ST3GAL4: variants seen among roughly 807,000 people sequenced by gnomAD.
ST3GAL4 encodes CMP-N-acetylneuraminate-beta-galactosamide-alpha-2,3-sialyltransferase 4.
ST3GAL4 carries 24 observed loss-of-function variants against 42.6 expected under a neutral mutation model. The ratio of observed to expected loss-of-function variants is 0.56; its 90% confidence interval spans 0.41 to 0.79. ST3GAL4 has a LOEUF of 0.79. ST3GAL4 is among the 30% of genes least tolerant of loss of function. ST3GAL4 has a pLI of 0.00. For synonymous variants in ST3GAL4, 135 were observed against 163.2 expected (o/e 0.83, Z 1.32); for missense variants, 311 against 430.8 (o/e 0.72, Z 2.46).
chr11:126,389,470 A>G (rs1274914441), intron 1 of ST3GAL4, among the ~76,000 whole-genome samples: 1 of 152,206 alleles, frequency 6.6e-6, no homozygotes, highest in African/African-American at 2.4e-5. Context: ...TCATTCTTTC[A>G]TCATACACAC....
intron 1 of ST3GAL4, among the ~76,000 whole-genome samples, chr11:126,395,269 G>C (rs1025569731): frequency 6.6e-6 from 1 of 152,160 alleles, no homozygotes; most frequent in South Asian, 2.1e-4. Context: ...CAACATGGGT[G>C]ATACAGCAGC....
chr11:126,360,873 C>T (rs1007983797), intron 1 of ST3GAL4, among the ~76,000 whole-genome samples: 7 of 152,230 alleles, frequency 4.6e-5, no homozygotes, highest in African/African-American at 1.7e-4. Flanking sequence ...ACTTTGCTTC[C>T]TCCTCCCAGG....
rs1420483447 is a variant in ST3GAL4 at position 126,406,253 on chromosome 11, G to T, written c.16+82G>T. 8 of 1,550,138 alleles carry T rather than the reference G, an allele frequency of 5.2e-6. No homozygotes were observed. Among genetic ancestry groups the T allele is most frequent in the Non-Finnish European group, 7.0e-6 (8 of 1,147,082 alleles). On this transcript the variant is annotated intron_variant, in intron 2 of 10. Transcript: ENST00000444328. The surrounding 1 kb of genome is among the most constrained non-coding windows in gnomAD (Gnocchi z 5.4). ...CAGCAGGATCCTGGGACCTCTGGGG[G>T]CTGTGGAGGGACAGACAGGGAGCCA...
intron 1 of ST3GAL4, among the ~76,000 whole-genome samples, chr11:126,403,887 G>A (rs979727723): frequency 5.3e-5 from 8 of 152,130 alleles, no homozygotes; most frequent in African/African-American, 1.7e-4. Flanking sequence ...TGCACATCGA[G>A]GTTTGAGAAG....
intron 9 of ST3GAL4, among the ~76,000 whole-genome samples, chr11:126,413,114 T>TG (rs1003091952): frequency 2.8e-4 from 42 of 151,968 alleles, no homozygotes; most frequent in Admixed American, 1.0e-3. Flanking sequence ...TTTTTAGAGA[T>TG]GGGGGGGTCT....
chr11:126,362,859 T>C (rs1222822286), intron 1 of ST3GAL4, among the ~76,000 whole-genome samples: 1 of 152,156 alleles, frequency 6.6e-6, no homozygotes, highest in Non-Finnish European at 1.5e-5. Context: ...TTGGCTGTCA[T>C]ATTGCAAACG....
chr11:126,399,599 G>A (rs141182701), intron 1 of ST3GAL4, among the ~76,000 whole-genome samples: 17 of 151,954 alleles, frequency 1.1e-4, no homozygotes, highest in Non-Finnish European at 2.2e-4. Context: ...GAGCTACTGC[G>A]CCCAACCCTG....
intron 1 of ST3GAL4, among the ~76,000 whole-genome samples, chr11:126,401,177 G>T (rs1953973711): frequency 6.6e-6 from 1 of 152,120 alleles, no homozygotes; most frequent in South Asian, 2.1e-4. Flanking sequence ...ATCAGTGTAT[G>T]AATAGTAGTT....
At chr11:126,413,093 A>G (rs1954598815) in intron 9 of ST3GAL4, among the ~76,000 whole-genome samples, 1 of 151,884 alleles carries the variant, frequency 6.6e-6, no homozygotes, top group Admixed American at 6.6e-5. Flanking sequence ...TTACTTATTT[A>G]TATTTGTTTA....
rs779877285 is a variant in ST3GAL4 at position 126,406,573 on chromosome 11, A to G, written c.101+16A>G. 6 of 1,613,978 alleles carry G rather than the reference A, an allele frequency of 3.7e-6. No homozygotes were observed. The South Asian group carries it at 4.4e-5, about 12-fold the overall frequency. The stretch of plus-strand genomic sequence containing the variant: ...ACATCGAGCTGTGAGTTCACCTTCC[A>G]TGTCCTTCCAGTGGCTCTTGTCAGG... On this transcript the variant is annotated intron_variant, in intron 3 of 10. Transcript: ENST00000444328. This position sits in a 1 kb window ranked among gnomAD's most constrained non-coding sequence, Gnocchi z 5.4.
intron 1 of ST3GAL4, among the ~76,000 whole-genome samples, chr11:126,389,504 A>T (rs1386707349): frequency 6.6e-6 from 1 of 152,200 alleles, no homozygotes; most frequent in African/African-American, 2.4e-5. Flanking sequence ...TTATACACAT[A>T]AATAATGTTG....
chr11:126,362,015 G>A (rs1231727837), intron 1 of ST3GAL4, among the ~76,000 whole-genome samples: 2 of 150,450 alleles, frequency 1.3e-5, no homozygotes, highest in Non-Finnish European at 3.0e-5. Flanking sequence ...CCAAGTAGCT[G>A]GGATCACAGG....
At chr11:126,403,510 A>G in intron 1 of ST3GAL4, 1 of 935,438 alleles carries the variant, frequency 1.1e-6, no homozygotes, top group Non-Finnish European at 1.3e-6. Flanking sequence ...TTGTTTTACT[A>G]TTCCCTATTC....
At chr11:126,381,900 A>C in intron 1 of ST3GAL4, among the ~76,000 whole-genome samples, 1 of 149,216 alleles carries the variant, frequency 6.7e-6, no homozygotes, top group East Asian at 2.1e-4. Context: ...CCCTCTGACC[A>C]CTCCTCTTGT....
chr11:126,388,110 G>C (rs1054419535), intron 1 of ST3GAL4, among the ~76,000 whole-genome samples: 6 of 152,172 alleles, frequency 3.9e-5, no homozygotes. Context: ...ATAAAGTTCT[G>C]GCCATGGGCC....
intron 1 of ST3GAL4, among the ~76,000 whole-genome samples, chr11:126,402,451 G>GAAAAAAA (rs575036017): frequency 9.9e-6 from 1 of 100,986 alleles, no homozygotes; most frequent in Non-Finnish European, 2.0e-5. Flanking sequence ...AAGACTGTCT[G>GAAAAAAA]AAAAAAAAAA....
chr11:126,383,650 G>T lies in ST3GAL4; in HGVS notation c.-60-22446G>T, dbSNP rs1377867179. Among the ~76,000 whole-genome samples the T allele has an allele frequency of 6.6e-6, 1 of 152,204 alleles. No homozygotes were observed. Among genetic ancestry groups the T allele is most frequent in the Non-Finnish European group, 1.5e-5 (1 of 68,040 alleles). ...ATGGACTAGTGTGTTTGTGCTGGAGGAGCCTGTGTAGGTTACTGACATGGG... is the reference window on the plus strand; with the variant it reads ...ATGGACTAGTGTGTTTGTGCTGGAGTAGCCTGTGTAGGTTACTGACATGGG... On this transcript the variant is annotated intron_variant, in intron 1 of 10. Coordinates refer to ENST00000444328, the MANE Select transcript of ST3GAL4 (RefSeq NM_001254757.2). This position sits in a 1 kb window ranked among gnomAD's most constrained non-coding sequence, Gnocchi z 4.5.
rs1246909963 is a variant in ST3GAL4, at chr11:126,391,743, ATC to A, written c.-60-14345_-60-14344del. Among the ~76,000 whole-genome samples, 1 of 151,922 alleles carries A rather than the reference ATC, an allele frequency of 6.6e-6. No individual in the cohort carries two copies. Among genetic ancestry groups the A allele is most frequent in the African/African-American group, 2.4e-5 (1 of 41,356 alleles). On this transcript the variant is annotated intron_variant, in intron 1 of 10. Coordinates refer to ENST00000444328, the MANE Select transcript of ST3GAL4 (RefSeq NM_001254757.2). The surrounding 1 kb of genome is among the most constrained non-coding windows in gnomAD (Gnocchi z 5.5). ...GTCGTGGTGGGGCCAGTGGCAGTGGATCTCTCTCTTTGTTGGGCTGGGCCAGC... is the reference window on the plus strand; with the variant it reads ...GTCGTGGTGGGGCCAGTGGCAGTGGATCTCTCTTTGTTGGGCTGGGCCAGC...
intron 1 of ST3GAL4, among the ~76,000 whole-genome samples, chr11:126,401,069 T>C (rs1246011594): frequency 6.6e-6 from 1 of 152,152 alleles, no homozygotes; most frequent in African/African-American, 2.4e-5. Context: ...GAACATCTTC[T>C]TCCATTTGAG....
Sources: gnomAD v4.1 joint callset for allele counts (sites outside exome capture counted in the v4.1 genomes callset) on GRCh38, gnomAD v4.1.1 for gene constraint, Gnocchi (gnomAD v3.1) non-coding constraint, MANE v1.5 for transcripts, NCBI Gene and HGNC (gene_info 2026-07-23, HGNC 2026-07-21) for gene names.